FSD1L: variants seen among roughly 807,000 people sequenced by gnomAD.
FSD1L encodes the protein fibronectin type III and SPRY domain containing 1 like, also known as FSD1-like protein.
A neutral mutation model predicts 71.6 loss-of-function variants in FSD1L; 45 were observed. That is an observed-to-expected ratio of 0.63 (90% CI 0.49 to 0.81). The LOEUF (loss-of-function observed/expected upper bound fraction) is 0.81, where lower values mean the gene tolerates loss of function less well. Ranked by LOEUF, FSD1L falls within the 30% of genes least tolerant of loss-of-function variation. The pLI, the probability that FSD1L is intolerant of heterozygous loss-of-function variation, is 0.00. For missense variants in FSD1L, 561 were observed against 618.1 expected (o/e 0.91, Z 0.98); for synonymous variants, 197 against 207.2 (o/e 0.95, Z 0.42).
chr9:105,460,087 C>G (rs2131596438), intron 1 of FSD1L, among the ~76,000 whole-genome samples: 1 of 152,320 alleles, frequency 6.6e-6, no homozygotes, highest in East Asian at 1.9e-4. Flanking sequence ...AAAGACCTTT[C>G]TTTCTCATCC....
intron 10 of FSD1L, among the ~76,000 whole-genome samples, chr9:105,529,169 T>C (rs1369165617): frequency 6.6e-6 from 1 of 152,146 alleles, no homozygotes; most frequent in African/African-American, 2.4e-5. Flanking sequence ...ACACTGTTGG[T>C]GGGAGTGTAA....
At chr9:105,543,585 C>T (rs1243728565) in intron 13 of FSD1L, among the ~76,000 whole-genome samples, 1 of 152,056 alleles carries the variant, frequency 6.6e-6, no homozygotes, top group Non-Finnish European at 1.5e-5. Flanking sequence ...CCTCTCCCCT[C>T]CCCCAACCCC....
At chr9:105,486,077 G>GA (rs1437174011) in intron 7 of FSD1L, among the ~76,000 whole-genome samples, 1 of 150,564 alleles carries the variant, frequency 6.6e-6, no homozygotes, top group African/African-American at 2.5e-5. Flanking sequence ...TGGAACCTAG[G>GA]AAGGGGGTAG....
intron 10 of FSD1L, among the ~76,000 whole-genome samples, chr9:105,527,748 CCT>C (rs1293013953): frequency 2.0e-5 from 3 of 151,446 alleles, no homozygotes. Flanking sequence ...ACAAGGATGC[CCT>C]CTCTCACCAC....
intron 7 of FSD1L, among the ~76,000 whole-genome samples, chr9:105,503,474 A>G (rs1833888306): frequency 6.6e-6 from 1 of 152,168 alleles, no homozygotes; most frequent in African/African-American, 2.4e-5. Flanking sequence ...TGAAATTTTG[A>G]CTTTATATCC....
At chr9:105,525,877 G>A in intron 10 of FSD1L, 2 of 1,572,108 alleles carry the variant, frequency 1.3e-6, no homozygotes, top group Non-Finnish European at 1.8e-6. Context: ...CTCTACAGTA[G>A]AAGTAATATT....
chr9:105,447,917 C>A (rs1026192772), upstream of FSD1L: 4 of 506,022 alleles, frequency 7.9e-6, no homozygotes, highest in Middle Eastern at 5.2e-4. Context: ...CCTGCAGAGG[C>A]ACTAGCGGTA....
intron 8 of FSD1L, among the ~76,000 whole-genome samples, chr9:105,506,911 A>G (rs1013961768): frequency 2.0e-5 from 3 of 151,990 alleles, no homozygotes; most frequent in Admixed American, 6.5e-5. Flanking sequence ...AGCTGGGACT[A>G]TAGGCACACG....
upstream of FSD1L, among the ~76,000 whole-genome samples, chr9:105,445,463 A>T (rs1829622279): frequency 6.6e-6 from 1 of 152,040 alleles, no homozygotes; most frequent in Admixed American, 6.5e-5. Flanking sequence ...GCTGCAACTC[A>T]CTGTCCCCAA....
intron 10 of FSD1L, chr9:105,526,073 G>T: frequency 6.6e-7 from 1 of 1,512,696 alleles, no homozygotes; most frequent in Non-Finnish European, 9.2e-7. Flanking sequence ...CACATGTTCA[G>T]TATTCAGATA....
At chr9:105,478,020 G>A (rs772178804) in intron 5 of FSD1L, among the ~76,000 whole-genome samples, 36 of 152,122 alleles carry the variant, frequency 2.4e-4, no homozygotes, top group Admixed American at 1.3e-4. Context: ...TGAGGCAGGC[G>A]GATCACGAGG....
At chr9:105,513,499 C>T in intron 10 of FSD1L, 4 of 919,248 alleles carry the variant, frequency 4.4e-6, no homozygotes, top group African/African-American at 1.7e-5. Flanking sequence ...TAATGAATCC[C>T]CAAAAATTCC....
intron 10 of FSD1L, among the ~76,000 whole-genome samples, chr9:105,517,196 T>C (rs1431320986): frequency 5.3e-5 from 8 of 152,160 alleles, no homozygotes; most frequent in Admixed American, 4.6e-4. Flanking sequence ...AAATCTACAT[T>C]TGATTGGTGT....
chr9:105,505,985 G>A (rs1834029451), intron 7 of FSD1L, among the ~76,000 whole-genome samples: 1 of 152,082 alleles, frequency 6.6e-6, no homozygotes, highest in South Asian at 2.1e-4. Context: ...GAACTCTTGG[G>A]AGAAACATTT....
intron 10 of FSD1L, chr9:105,523,150 C>A (rs1835290138): frequency 6.2e-7 from 1 of 1,613,846 alleles, no homozygotes; most frequent in African/African-American, 1.3e-5. Context: ...CATATAGATT[C>A]TGAAACAAGC....
At chr9:105,448,477 C>T (rs1829769515) in intron 1 of FSD1L, among the ~76,000 whole-genome samples, 1 of 152,226 alleles carries the variant, frequency 6.6e-6, no homozygotes, top group Admixed American at 6.5e-5. Flanking sequence ...TGTCCGGGGC[C>T]CTGACTCTGG....
intron 12 of FSD1L, among the ~76,000 whole-genome samples, chr9:105,536,680 G>A (rs1429739496): frequency 2.6e-5 from 4 of 152,068 alleles, no homozygotes; most frequent in African/African-American, 9.7e-5. Context: ...CTGTTGTCCA[G>A]GCTGGAGTGC....
At chr9:105,521,162 T>A in intron 10 of FSD1L, 1 of 1,614,032 alleles carries the variant, frequency 6.2e-7, no homozygotes. Flanking sequence ...AGGCTCGTGT[T>A]ATTGTCATTC....
chr9:105,464,532 C>T (rs1830928875), intron 3 of FSD1L, among the ~76,000 whole-genome samples: 1 of 152,184 alleles, frequency 6.6e-6, no homozygotes, highest in Non-Finnish European at 1.5e-5. Context: ...AAAAGGAAAA[C>T]TCTGGAATAG....
Sources: gnomAD v4.1 joint callset for allele counts (sites outside exome capture counted in the v4.1 genomes callset) on GRCh38, gnomAD v4.1.1 for gene constraint, MANE v1.5 for transcripts, NCBI Gene and HGNC (gene_info 2026-07-23, HGNC 2026-07-21) for gene names.